Variants in LTBP1 observed in about 807,000 individuals in gnomAD.
The protein encoded by LTBP1 is latent-transforming growth factor beta-binding protein 1.
A neutral mutation model predicts 207.6 loss-of-function variants in LTBP1; 129 were observed. The observed-to-expected ratio is 0.62, with a 90% CI of 0.54 to 0.72. The LOEUF (loss-of-function observed/expected upper bound fraction) is 0.72. Ranked by LOEUF, LTBP1 falls within the 30% of genes least tolerant of loss-of-function variation. LTBP1 has a pLI of 0.00. For missense variants in LTBP1, 2,281 were observed against 2,217.2 expected (o/e 1.03, Z -0.58); for synonymous variants, 963 against 833.7 (o/e 1.16, Z -2.67).
intron 23 of LTBP1, among the ~76,000 whole-genome samples, chr2:33,312,696 C>T (rs1332215801): frequency 1.3e-5 from 2 of 151,810 alleles, no homozygotes; most frequent in African/African-American, 4.9e-5. Context: ...AAAAAAAAGT[C>T]TAGGAATTCA....
chr2:33,007,561 T>C (rs1191542167), intron 2 of LTBP1, among the ~76,000 whole-genome samples: 1 of 152,244 alleles, frequency 6.6e-6, no homozygotes, highest in Non-Finnish European at 1.5e-5. Context: ...ATCACTGTTT[T>C]ACGCTGAATG....
At chr2:33,252,258 A>G (rs956514844) in intron 10 of LTBP1, among the ~76,000 whole-genome samples, 1 of 152,220 alleles carries the variant, frequency 6.6e-6, no homozygotes, top group African/African-American at 2.4e-5. Context: ...CATGTTCCTC[A>G]TTCTCCAAAG....
At chr2:33,002,683 CT>C (rs145604501) in intron 2 of LTBP1, among the ~76,000 whole-genome samples, 15 of 149,524 alleles carry the variant, frequency 1.0e-4, no homozygotes, top group Middle Eastern at 3.4e-3. Context: ...GTTTTGTTTT[CT>C]TTTTTTTTTA....
chr2:33,322,435 T>C (rs1313320690), intron 24 of LTBP1, among the ~76,000 whole-genome samples: 1 of 152,240 alleles, frequency 6.6e-6, no homozygotes, highest in Admixed American at 6.5e-5. Context: ...TAATGCTTCA[T>C]ACACATATTC....
intron 3 of LTBP1, among the ~76,000 whole-genome samples, chr2:33,026,678 C>T (rs1358862607): frequency 1.3e-5 from 2 of 152,150 alleles, no homozygotes; most frequent in Admixed American, 6.5e-5. Context: ...GAACTCACTC[C>T]AAGGTGCTCA....
intron 3 of LTBP1, among the ~76,000 whole-genome samples, chr2:33,027,442 G>C (rs2075473797): frequency 6.6e-6 from 1 of 152,068 alleles, no homozygotes; most frequent in African/African-American, 2.4e-5. Flanking sequence ...CATGCTCTTT[G>C]TTAGATCTCT....
chr2:33,174,795 G>C (rs1315902711), intron 5 of LTBP1, among the ~76,000 whole-genome samples: 2 of 152,032 alleles, frequency 1.3e-5, no homozygotes, highest in Non-Finnish European at 2.9e-5. Context: ...CATGGTACTG[G>C]TACCAAAACA....
chr2:33,108,874 A>C (rs2080226014), intron 3 of LTBP1, among the ~76,000 whole-genome samples: 1 of 152,196 alleles, frequency 6.6e-6, no homozygotes, highest in African/African-American at 2.4e-5. Context: ...TCCCAACCAA[A>C]CACACTTAAT....
chr2:33,332,563 A>ATT (rs566217300), intron 24 of LTBP1, among the ~76,000 whole-genome samples: 31 of 146,422 alleles, frequency 2.1e-4, no homozygotes, highest in Middle Eastern at 3.6e-3. Context: ...TATTTATTTA[A>ATT]TTTTTTTTTT....
chr2:33,239,623 T>TCACA (rs1367761797), intron 9 of LTBP1, among the ~76,000 whole-genome samples: 3 of 152,010 alleles, frequency 2.0e-5, no homozygotes, highest in Admixed American at 2.0e-4. Context: ...ATGCAGTGGC[T>TCACA]CACACACTTT....
chr2:33,036,270 C>T (rs560253928), intron 3 of LTBP1, among the ~76,000 whole-genome samples: 5 of 152,222 alleles, frequency 3.3e-5, no homozygotes, highest in Admixed American at 6.5e-5. Flanking sequence ...GACAAACTCG[C>T]AGGTGGTGCC....
intron 19 of LTBP1, among the ~76,000 whole-genome samples, chr2:33,288,824 C>G (rs1383837455): frequency 6.8e-6 from 1 of 147,428 alleles, no homozygotes; most frequent in Non-Finnish European, 1.5e-5. Flanking sequence ...CACTGCACTC[C>G]AGCCTGGGTG....
intron 24 of LTBP1, among the ~76,000 whole-genome samples, chr2:33,322,903 T>A (rs145700247): frequency 0.019 from 2,929 of 152,344 alleles, 51 homozygotes; most frequent in Non-Finnish European, 0.03. Context: ...TTGCTTTTTT[T>A]ATTTCTTTAC....
At chr2:33,287,037 A>G (rs970957737) in intron 19 of LTBP1, among the ~76,000 whole-genome samples, 1 of 152,224 alleles carries the variant, frequency 6.6e-6, no homozygotes, top group Non-Finnish European at 1.5e-5. Context: ...CATATGTAAC[A>G]AACCTGCACG....
intron 7 of LTBP1, among the ~76,000 whole-genome samples, chr2:33,211,467 T>C (rs2090305803): frequency 6.6e-6 from 1 of 152,234 alleles, no homozygotes; most frequent in Non-Finnish European, 1.5e-5. Context: ...AAGCATCATT[T>C]AATCTCACAA....
At chr2:33,307,593 A>T (rs552333697) in intron 22 of LTBP1, among the ~76,000 whole-genome samples, 6 of 152,282 alleles carry the variant, frequency 3.9e-5, no homozygotes, top group African/African-American at 1.4e-4. Flanking sequence ...CTTGACTGGG[A>T]TGGTGGTCAC....
chr2:33,169,090 G>T (rs1009992302), intron 5 of LTBP1, among the ~76,000 whole-genome samples: 8 of 152,294 alleles, frequency 5.3e-5, no homozygotes, highest in African/African-American at 1.9e-4. Flanking sequence ...TATAGTAGTG[G>T]TTCCCAAACA....
At chr2:33,139,532 T>C (rs2082465311) in intron 5 of LTBP1, among the ~76,000 whole-genome samples, 1 of 152,128 alleles carries the variant, frequency 6.6e-6, no homozygotes, top group African/African-American at 2.4e-5. Context: ...GGGAGGATGC[T>C]TAGAGAGAAA....
In LTBP1 at chr2:33,382,074, C is replaced by CTTTTTTTTTT. The variant is rs70938398; in HGVS notation, c.4712-7081_4712-7072dup. On this transcript the variant is annotated intron_variant, in intron 31 of 33. Transcript: ENST00000404816. ...TACAGCAGTTAGCGCCCTACTGCTT[C>CTTTTTTTTTT]TTTTTTTTTTTTTTTTTTTTTTTTT... Among the ~76,000 whole-genome samples the CTTTTTTTTTT allele has an allele frequency of 1.7e-3, 79 of 46,778 alleles. 30 individuals are homozygous for CTTTTTTTTTT. Among genetic ancestry groups the CTTTTTTTTTT allele is most frequent in the Non-Finnish European group, 2.3e-3 (57 of 24,952 alleles). 30.7% of individuals were successfully genotyped at this position (46,778 alleles called of 152,430 possible).
Sources: allele counts gnomAD v4.1 joint callset (sites outside exome capture counted in the v4.1 genomes callset), GRCh38; gene constraint gnomAD v4.1.1; transcripts MANE v1.5; gene names NCBI Gene and HGNC (gene_info 2026-07-23, HGNC 2026-07-21).